WNT7B: variants seen among roughly 807,000 people sequenced by gnomAD.
WNT7B encodes Wnt family member 7B, also known as protein Wnt-7b.
WNT7B carries 19 observed loss-of-function variants against 38.2 expected under a neutral mutation model. That is an observed-to-expected ratio of 0.50 (90% CI 0.35 to 0.73). The LOEUF (loss-of-function observed/expected upper bound fraction) is 0.73. Among genes scored for constraint, WNT7B ranks in the 30% least tolerant of loss-of-function variants. The pLI is 0.01. For synonymous variants in WNT7B, 243 were observed against 209.3 expected (o/e 1.16, Z -1.39); for missense variants, 423 against 507.9 (o/e 0.83, Z 1.61).
chr22:45,972,231 G>C (rs1047665345), intron 1 of WNT7B: 5 of 644,900 alleles, frequency 7.8e-6, no homozygotes, highest in African/African-American at 1.9e-5. Context: ...GGCGACAGTA[G>C]AAGCATGGTG....
rs1259669594 is a variant in WNT7B, at chr22:45,951,870, G to A, written c.72-1724C>T. Among the ~76,000 whole-genome samples the A allele has an allele frequency of 6.6e-6, 1 of 152,242 alleles. No individual in the cohort carries two copies. The highest frequency in any genetic ancestry group is 1.5e-5 in the Non-Finnish European group (1 of 68,040). On this transcript the variant is annotated intron_variant, in intron 1 of 3. Transcript: ENST00000339464. The surrounding 1 kb of genome is among the most constrained non-coding windows in gnomAD (Gnocchi z 4.8). ...GCGGGTAAGGTTTCTGTTTGAGCCT[G>A]TTTTCAGTCTCTGGGGCATGGACCT...
chr22:45,949,641 C>T lies in WNT7B; in HGVS notation c.298+279G>A, dbSNP rs1931882208. ...ACCACCGCGCCACCAGCCTACAGGCCCAAGGGCCCACGGCCACGTCACGAC... is the reference window on the plus strand; with the variant it reads ...ACCACCGCGCCACCAGCCTACAGGCTCAAGGGCCCACGGCCACGTCACGAC... On this transcript the variant is annotated intron_variant, in intron 2 of 3. Transcript: ENST00000339464. Among the ~76,000 whole-genome samples, 3 of 152,222 alleles carry T rather than the reference C, an allele frequency of 2.0e-5. No individual in the cohort carries two copies. In the South Asian group the frequency reaches 6.2e-4, roughly 32 times the overall value.
chr22:45,967,688 C>G (rs1191979839), intron 1 of WNT7B, among the ~76,000 whole-genome samples: 1 of 147,718 alleles, frequency 6.8e-6, no homozygotes, highest in African/African-American at 2.5e-5. Context: ...CAGGGTGACT[C>G]AAGCCTCCGG....
chr22:45,926,997 A>G, intron 3 of WNT7B: 1 of 985,418 alleles, frequency 1.0e-6, no homozygotes, highest in Non-Finnish European at 1.2e-6. Context: ...TGGCTCCAGG[A>G]GCTGGTGGAA....
At chr22:45,957,589 AAGG>A (rs1358198889) in intron 1 of WNT7B, among the ~76,000 whole-genome samples, 1 of 143,724 alleles carries the variant, frequency 7.0e-6, no homozygotes, top group African/African-American at 2.6e-5. Flanking sequence ...GAGGCTGAGG[AAGG>A]AGAATTGCTT....
intron 2 of WNT7B, among the ~76,000 whole-genome samples, chr22:45,947,911 A>G (rs981632728): frequency 1.3e-5 from 2 of 152,188 alleles, no homozygotes; most frequent in Non-Finnish European, 2.9e-5. Flanking sequence ...ACACACAGCC[A>G]TATGCCACAC....
At chr22:45,947,587 G>A (rs962719319) in intron 2 of WNT7B, among the ~76,000 whole-genome samples, 6 of 152,200 alleles carry the variant, frequency 3.9e-5, no homozygotes, top group Non-Finnish European at 8.8e-5. Flanking sequence ...AGAGCGGGGC[G>A]AGGGGGCCAA....
chr22:45,925,212 G>C, intron 3 of WNT7B: 1 of 984,528 alleles, frequency 1.0e-6, no homozygotes, highest in Non-Finnish European at 1.2e-6. Context: ...TGGGTGCCGG[G>C]TGGGCGCAAA....
rs898800397 is a variant in WNT7B, at chr22:45,975,555, G to A, written c.71+1129C>T. The A allele has an allele frequency of 2.9e-5, 21 of 717,106 alleles. No individual in the cohort carries two copies. In the African/African-American group the frequency reaches 3.3e-4, roughly 11 times the overall value. The allele number at this position is 717,106 out of a possible 1,614,324, so 44.4% of individuals were successfully genotyped here. A position where few individuals can be genotyped will look rare whatever the true frequency, so the allele number is the denominator to read the frequency against. ...CCTCAGTTTCTCCACCTGTAAAATG[G>A]CGGGGCAGACATGGGATGGAGGGTG... On this transcript the variant is annotated intron_variant, in intron 1 of 3. Coordinates refer to ENST00000339464, the MANE Select transcript of WNT7B (RefSeq NM_058238.3). This position sits in a 1 kb window ranked among gnomAD's most constrained non-coding sequence, Gnocchi z 6.6.
intron 3 of WNT7B, chr22:45,926,668 A>G (rs1475862033): frequency 1.0e-6 from 1 of 984,710 alleles, no homozygotes; most frequent in Admixed American, 6.2e-5. Context: ...CCTCTTCCAC[A>G]GCACCTCCCA....
At chr22:45,932,677 C>T (rs1001521598) in intron 2 of WNT7B, among the ~76,000 whole-genome samples, 7 of 152,228 alleles carry the variant, frequency 4.6e-5, no homozygotes, top group African/African-American at 1.4e-4. Context: ...ATTTCTATGT[C>T]CCCAGCGCCT....
chr22:45,955,137 C>T (rs2049850194), intron 1 of WNT7B, among the ~76,000 whole-genome samples: 3 of 152,238 alleles, frequency 2.0e-5, no homozygotes, highest in Non-Finnish European at 4.4e-5. Context: ...GGTGCACAGG[C>T]GGCTCCCATG....
chr22:45,946,947 A>G (rs535506284), intron 2 of WNT7B, among the ~76,000 whole-genome samples: 1 of 152,250 alleles, frequency 6.6e-6, no homozygotes, highest in Non-Finnish European at 1.5e-5. Context: ...GCCCCTTCTC[A>G]GGGCCAATCA....
At chr22:45,952,851 C>T (rs1931966516) in intron 1 of WNT7B, among the ~76,000 whole-genome samples, 2 of 152,324 alleles carry the variant, frequency 1.3e-5, no homozygotes, top group Non-Finnish European at 2.9e-5. Context: ...CATAGCTCTC[C>T]ATTGCCCAGG....
chr22:45,971,533 T>C (rs1932438919), intron 1 of WNT7B, among the ~76,000 whole-genome samples: 1 of 152,090 alleles, frequency 6.6e-6, no homozygotes, highest in Non-Finnish European at 1.5e-5. Context: ...CCGAGACAAC[T>C]GGGCGAACGC....
intron 3 of WNT7B, among the ~76,000 whole-genome samples, chr22:45,929,801 C>CATCTACCCACTTATCT (rs141932680): frequency 7.0e-6 from 1 of 143,322 alleles, no homozygotes; most frequent in African/African-American, 2.6e-5. Context: ...TCCACTCAAC[C>CATCTACCCACTTATCT]ATCTACCCAT....
In WNT7B at chr22:45,926,242, G is replaced by A. The variant is rs1050199251; in HGVS notation, c.571-2907C>T. 1.1e-5 allele frequency: 11 copies of A among 985,296 alleles called. No homozygotes were observed. In the East Asian group the frequency reaches 4.5e-4, roughly 41 times the overall value. 61.0% of individuals were successfully genotyped at this position (985,296 alleles called of 1,614,324 possible). A position where few individuals can be genotyped will look rare whatever the true frequency, so the allele number is the denominator to read the frequency against. On this transcript the variant is annotated intron_variant, in intron 3 of 3. Transcript: ENST00000339464. ...CCCTGGGCATTCGAGCAACAGCAAT[G>A]GTGGTGCCAGCACTGAGACCGGCCC...
intron 3 of WNT7B, among the ~76,000 whole-genome samples, chr22:45,923,753 T>C (rs187032490): frequency 6.6e-6 from 1 of 152,226 alleles, no homozygotes; most frequent in East Asian, 1.9e-4. Context: ...TAATAAATGC[T>C]CATTACCCCA....
At chr22:45,960,910 G>A (rs984389763) in intron 1 of WNT7B, among the ~76,000 whole-genome samples, 9 of 152,202 alleles carry the variant, frequency 5.9e-5, no homozygotes, top group Non-Finnish European at 1.2e-4. Flanking sequence ...CTGAGTATGG[G>A]GCAGGGGCTG....
Sources: allele counts gnomAD v4.1 joint callset (sites outside exome capture counted in the v4.1 genomes callset), GRCh38; gene constraint gnomAD v4.1.1; non-coding constraint Gnocchi (gnomAD v3.1); transcripts MANE v1.5; gene names NCBI Gene and HGNC (gene_info 2026-07-23, HGNC 2026-07-21).